Variants in DENND6A observed in about 807,000 individuals in gnomAD.
DENND6A encodes protein DENND6A.
A neutral mutation model predicts 95.5 loss-of-function variants in DENND6A; 43 were observed. The ratio of observed to expected loss-of-function variants is 0.45; its 90% CI spans 0.35 to 0.58. The LOEUF (loss-of-function observed/expected upper bound fraction) is 0.58. Among genes scored for constraint, DENND6A ranks in the 20% least tolerant of loss-of-function variants. The pLI, the probability that DENND6A is intolerant of heterozygous loss-of-function variation, is 0.00. For missense variants in DENND6A, 574 were observed against 736.0 expected, an observed-to-expected ratio of 0.78 and a Z score of 2.55; for synonymous variants, 257 against 260.4, an observed-to-expected ratio of 0.99 and a Z score of 0.13.
At chr3:57,691,500 T>A (rs2153417891) in intron 1 of DENND6A, among the ~76,000 whole-genome samples, 1 of 152,248 alleles carries the variant, frequency 6.6e-6, no homozygotes, top group East Asian at 1.9e-4. Context: ...ACATAATGCC[T>A]GGTTCTTAGT....
intron 1 of DENND6A, among the ~76,000 whole-genome samples, chr3:57,679,262 T>C (rs2153417004): frequency 6.6e-6 from 1 of 152,374 alleles, no homozygotes; most frequent in South Asian, 2.1e-4. Flanking sequence ...CCTATTCTTT[T>C]ATCTTTCTAG....
At chr3:57,631,462 G>A (rs1236943017) in intron 15 of DENND6A, among the ~76,000 whole-genome samples, 1 of 152,110 alleles carries the variant, frequency 6.6e-6, no homozygotes, top group East Asian at 1.9e-4. Context: ...CCAAAGTGCT[G>A]GGATTACAGG....
At chr3:57,662,679 A>G (rs917477886) in intron 5 of DENND6A, among the ~76,000 whole-genome samples, 2 of 152,150 alleles carry the variant, frequency 1.3e-5, no homozygotes, top group African/African-American at 4.8e-5. Flanking sequence ...TGTAAAACTT[A>G]AGTGGACTCC....
intron 1 of DENND6A, among the ~76,000 whole-genome samples, chr3:57,675,935 C>T (rs751395288): frequency 2.0e-5 from 3 of 152,042 alleles, no homozygotes; most frequent in African/African-American, 2.4e-5. Flanking sequence ...AACATTATAC[C>T]GGAGGTGCCT....
rs761993355 is a variant in DENND6A, at chr3:57,659,139, T to A, written c.741A>T (p.Gln247His). Residue 247 changes from glutamine to histidine, a missense_variant, in exon 8 of 20, where the codon CAA becomes CAT. Around this residue, in one of 2 missense-constraint regions of DENND6A, gnomAD observed 452 missense variants for 630.9 expected, o/e 0.72. Coordinates refer to ENST00000311128, the MANE Select transcript of DENND6A (RefSeq NM_152678.3). ...CTACCTGCTGAGTTAACTGCACTATTTGAGTTGTCCCAGGCTTGTCATGAC... is the reference window on the plus strand; with the variant it reads ...CTACCTGCTGAGTTAACTGCACTATATGAGTTGTCCCAGGCTTGTCATGAC... Reference protein sequence around the residue: ...PTCHDKPGTTQIVQLTQQVDT... With the variant: ...PTCHDKPGTTHIVQLTQQVDT... The A allele has an allele frequency of 6.2e-7, 1 of 1,614,106 alleles. No homozygotes were observed. Among genetic ancestry groups the A allele is most frequent in the Admixed American group, 1.7e-5 (1 of 60,014 alleles).
At chr3:57,674,786 A>C (rs2071682010) in intron 1 of DENND6A, among the ~76,000 whole-genome samples, 1 of 152,272 alleles carries the variant, frequency 6.6e-6, no homozygotes, top group Admixed American at 6.5e-5. Context: ...AATACTATGC[A>C]GCCATAAAAA....
rs567058597 is a variant in DENND6A at position 57,678,228 on chromosome 3, T to C, written c.238-5790A>G. On this transcript the variant is annotated intron_variant, in intron 1 of 19. Coordinates refer to ENST00000311128, the MANE Select transcript of DENND6A (RefSeq NM_152678.3). ...GATTTATAGAATATAGATGTTTAAATTTCAACAAAGATATCTCTACAGCTT... is the reference window on the plus strand; with the variant it reads ...GATTTATAGAATATAGATGTTTAAACTTCAACAAAGATATCTCTACAGCTT... Among the ~76,000 whole-genome samples the C allele has an allele frequency of 4.6e-5, 7 of 152,348 alleles. No individual in the cohort carries two copies. In the South Asian group the frequency reaches 1.4e-3, roughly 32 times the overall value.
At chr3:57,677,187 C>T (rs1559829335) in intron 1 of DENND6A, among the ~76,000 whole-genome samples, 1 of 152,170 alleles carries the variant, frequency 6.6e-6, no homozygotes. Context: ...AAACAAAAAA[C>T]TATTTCCCAT....
chr3:57,689,429 A>T (rs1370771941), intron 1 of DENND6A, among the ~76,000 whole-genome samples: 1 of 152,152 alleles, frequency 6.6e-6, no homozygotes, highest in Admixed American at 6.6e-5. Flanking sequence ...CAAACCCAGG[A>T]GGTTTCAAAC....
chr3:57,684,828 G>A (rs1202507756), intron 1 of DENND6A, among the ~76,000 whole-genome samples: 1 of 152,116 alleles, frequency 6.6e-6, no homozygotes, highest in Non-Finnish European at 1.5e-5. Flanking sequence ...ATGAGGCTGG[G>A]TACAATGGCT....
intron 15 of DENND6A, among the ~76,000 whole-genome samples, chr3:57,631,723 T>TA: frequency 7.0e-6 from 1 of 142,234 alleles, no homozygotes; most frequent in Non-Finnish European, 1.5e-5. Flanking sequence ...TCTCTTTTTT[T>TA]TTTTTTTTTT....
intron 12 of DENND6A, among the ~76,000 whole-genome samples, chr3:57,636,936 CAAAAAAAAAAAAA>C: frequency 1.9e-5 from 1 of 52,006 alleles, no homozygotes; most frequent in African/African-American, 6.9e-5. Context: ...GACTCTGTCT[CAAAAAAAAAAAAA>C]AAAAAAAAAA....
chr3:57,692,710 G>T, intron 1 of DENND6A, 72 bp downstream of exon 1: 1 of 1,331,416 alleles, frequency 7.5e-7, no homozygotes, highest in Non-Finnish European at 9.7e-7. Flanking sequence ...GTCAGCCCGC[G>T]GGCCGCTGGC....
intron 6 of DENND6A, 101 bp downstream of exon 6, chr3:57,661,345 T>C: frequency 2.2e-6 from 2 of 927,124 alleles, no homozygotes; most frequent in Non-Finnish European, 3.0e-6. Context: ...CTTAAGTTCC[T>C]ACCTGAATTT....
intron 12 of DENND6A, among the ~76,000 whole-genome samples, chr3:57,640,268 C>T (rs1324798994): frequency 2.1e-5 from 2 of 97,212 alleles, no homozygotes; most frequent in Non-Finnish European, 4.3e-5. Context: ...GACTCTGTCT[C>T]AAAAAAAAAA....
intron 4 of DENND6A, 40 bp from the exon 5 acceptor site, chr3:57,663,756 C>CAT: frequency 8.0e-7 from 1 of 1,249,610 alleles, no homozygotes; most frequent in East Asian, 2.4e-5. Context: ...TGGGGGGGTA[C>CAT]ATATATATGT....
At chr3:57,631,716 CTTTTTTT>C (rs1156532234) in intron 15 of DENND6A, among the ~76,000 whole-genome samples, 4 of 92,014 alleles carry the variant, frequency 4.3e-5, no homozygotes, top group African/African-American at 1.6e-4. Context: ...TCTCTGCTCT[CTTTTTTT>C]TTTTTTTTTT....
At chr3:57,644,149 C>CAAA (rs1177987681) in intron 11 of DENND6A, among the ~76,000 whole-genome samples, 3 of 73,358 alleles carry the variant, frequency 4.1e-5, no homozygotes, top group Non-Finnish European at 5.5e-5. Flanking sequence ...GACTCCATCT[C>CAAA]AAAAAAAAAA....
intron 5 of DENND6A, 116 bp downstream of exon 5, chr3:57,663,520 A>G (rs965416697): frequency 2.7e-5 from 13 of 489,332 alleles, no homozygotes; most frequent in Middle Eastern, 6.3e-4. Flanking sequence ...ACACATATAT[A>G]TAGCATGTTT....
Sources: gnomAD v4.1 joint callset for allele counts (sites outside exome capture counted in the v4.1 genomes callset) on GRCh38, gnomAD v4.1.1 for gene constraint, gnomAD v4.1.1 regional missense constraint, MANE v1.5 for transcripts, NCBI Gene and HGNC (gene_info 2026-07-23, HGNC 2026-07-21) for gene names.